AGBL1: variants seen among roughly 807,000 people sequenced by gnomAD.
AGBL1 encodes cytosolic carboxypeptidase 4.
A neutral mutation model predicts 118.9 loss-of-function variants in AGBL1; 130 were observed. The observed-to-expected ratio is 1.09, with a 90% CI of 0.95 to 1.26. The LOEUF is 1.26. Among genes scored for constraint, AGBL1 ranks in the 50% most tolerant of loss-of-function variants. The probability of loss-of-function intolerance (pLI) is 0.00; values close to 1 mark genes in which losing one functional copy is unlikely to be tolerated. For synonymous variants in AGBL1, 555 were observed against 478.9 expected (o/e 1.16, Z -2.08); for missense variants, 1,584 against 1,298.1 (o/e 1.22, Z -3.38).
intron 22 of AGBL1, among the ~76,000 whole-genome samples, chr15:86,887,800 A>G (rs1446668618): frequency 6.6e-6 from 1 of 152,136 alleles, no homozygotes; most frequent in Non-Finnish European, 1.5e-5. Context: ...CAATTCTCCA[A>G]TTGAATTAGT....
intron 23 of AGBL1, among the ~76,000 whole-genome samples, chr15:86,947,230 T>A (rs1274409955): frequency 1.3e-5 from 2 of 152,238 alleles, no homozygotes; most frequent in Non-Finnish European, 2.9e-5. Context: ...ATCAGCCATT[T>A]AATTTCATAT....
chr15:86,367,171 T>C (rs1056914674), intron 17 of AGBL1, among the ~76,000 whole-genome samples: 4 of 152,216 alleles, frequency 2.6e-5, no homozygotes, highest in Admixed American at 6.5e-5. Flanking sequence ...TATGGGCTCA[T>C]GTAAATCAAA....
chr15:86,991,670 T>C (rs544160850), intron 24 of AGBL1, among the ~76,000 whole-genome samples: 1 of 152,264 alleles, frequency 6.6e-6, no homozygotes, highest in Non-Finnish European at 1.5e-5. Context: ...TTGTCTGTTT[T>C]ACACAGGTAG....
chr15:86,107,708 G>A (rs755178213), intron 1 of AGBL1: 2 of 152,212 alleles, frequency 1.3e-5, no homozygotes, highest in Non-Finnish European at 2.9e-5. Flanking sequence ...ACATTTAACA[G>A]TGTTCTGGGT....
At chr15:86,885,532 A>G (rs2079957926) in intron 22 of AGBL1, among the ~76,000 whole-genome samples, 1 of 152,222 alleles carries the variant, frequency 6.6e-6, no homozygotes, top group South Asian at 2.1e-4. Flanking sequence ...AATAAACATA[A>G]ATGCTTCATT....
At chr15:86,818,787 A>G (rs941227854) in intron 22 of AGBL1, among the ~76,000 whole-genome samples, 1 of 152,186 alleles carries the variant, frequency 6.6e-6, no homozygotes, top group Non-Finnish European at 1.5e-5. Context: ...CCAGACACCA[A>G]TGGGTTCAAA....
chr15:86,945,052 A>T (rs2141660618), intron 23 of AGBL1, among the ~76,000 whole-genome samples: 1 of 152,258 alleles, frequency 6.6e-6, no homozygotes, highest in African/African-American at 2.4e-5. Flanking sequence ...AATTATAATT[A>T]TCATGTAAAA....
At chr15:86,154,341 T>C (rs926863423) in intron 3 of AGBL1, 89 bp from the exon 4 acceptor site, 2 of 1,423,966 alleles carry the variant, frequency 1.4e-6, no homozygotes, top group East Asian at 5.0e-5. Context: ...TCCTCCTCCT[T>C]CACCATCTTC....
intron 23 of AGBL1, among the ~76,000 whole-genome samples, chr15:86,960,071 C>T (rs759183440): frequency 6.6e-6 from 1 of 152,108 alleles, no homozygotes; most frequent in Non-Finnish European, 1.5e-5. Flanking sequence ...AGGCCTTTTG[C>T]TTCTTTAACC....
intron 22 of AGBL1, among the ~76,000 whole-genome samples, chr15:86,727,994 A>T (rs1156871553): frequency 6.6e-6 from 1 of 152,216 alleles, no homozygotes; most frequent in Non-Finnish European, 1.5e-5. Context: ...AAGTTCCTTG[A>T]TCTCCCTTTA....
At chr15:86,349,618 A>G (rs2036118676) in intron 17 of AGBL1, among the ~76,000 whole-genome samples, 1 of 152,240 alleles carries the variant, frequency 6.6e-6, no homozygotes, top group Non-Finnish European at 1.5e-5. Context: ...TGCTTCCTAA[A>G]TAAATGAACA....
chr15:86,410,767 A>C (rs2033796059), intron 18 of AGBL1, among the ~76,000 whole-genome samples: 1 of 127,722 alleles, frequency 7.8e-6, no homozygotes. Flanking sequence ...ATAGGATAGA[A>C]ATTCTAAATT....
chr15:86,554,142 G>C (rs1352752709), intron 20 of AGBL1, among the ~76,000 whole-genome samples: 1 of 152,134 alleles, frequency 6.6e-6, no homozygotes, highest in Middle Eastern at 3.2e-3. Flanking sequence ...TTACAGGCAT[G>C]AGCCACCGCT....
At chr15:86,963,416 G>T (rs2081014222) in intron 23 of AGBL1, among the ~76,000 whole-genome samples, 1 of 151,698 alleles carries the variant, frequency 6.6e-6, no homozygotes, top group South Asian at 2.1e-4. Flanking sequence ...TTTCAAAAAT[G>T]CTTTCTTTGG....
chr15:86,723,239 G>A (rs1298056530), intron 22 of AGBL1, among the ~76,000 whole-genome samples: 1 of 152,178 alleles, frequency 6.6e-6, no homozygotes, highest in Non-Finnish European at 1.5e-5. Context: ...CAATAGCAAA[G>A]ACTTGGAACC....
chr15:86,504,795 G>A (rs2082956023), intron 18 of AGBL1, among the ~76,000 whole-genome samples: 1 of 151,494 alleles, frequency 6.6e-6, no homozygotes, highest in Admixed American at 6.6e-5. Context: ...TTTTAAATCA[G>A]GGAAGAAATT....
At chr15:86,871,561 TC>T (rs1336420196) in intron 22 of AGBL1, among the ~76,000 whole-genome samples, 1 of 152,234 alleles carries the variant, frequency 6.6e-6, no homozygotes, top group Non-Finnish European at 1.5e-5. Context: ...TACCGACTTT[TC>T]TCCTTCCTCA....
rs753332979 is a variant in AGBL1, at chr15:86,295,342, C to A, written c.2308C>A (p.Pro770Thr). The A allele has an allele frequency of 3.1e-6, 5 of 1,613,040 alleles. No homozygotes were observed. Among genetic ancestry groups the A allele is most frequent in the Non-Finnish European group, 4.2e-6 (5 of 1,179,402 alleles). ...DVLCQTLGGN[P>T]CPLVTITAMP... ...TCTCTGCCAGACGCTGGGAGGGAAT[C>A]CGTGTCCCTTGGTGACCATCACGGC... The change falls in exon 17 of 23, where the codon CCG (proline) becomes ACG (threonine). Residue 770 changes from proline to threonine, a missense_variant. Coordinates refer to ENST00000614907, the MANE Select transcript of AGBL1 (RefSeq NM_001386094.1).
At chr15:86,219,578 C>G (rs2078245677) in intron 5 of AGBL1, among the ~76,000 whole-genome samples, 1 of 152,124 alleles carries the variant, frequency 6.6e-6, no homozygotes, top group South Asian at 2.1e-4. Context: ...TTTAGCAACT[C>G]AGTCCTGCCA....
Sources: gnomAD v4.1 joint callset for allele counts (sites outside exome capture counted in the v4.1 genomes callset) on GRCh38, gnomAD v4.1.1 for gene constraint, MANE v1.5 for transcripts, NCBI Gene and HGNC (gene_info 2026-07-23, HGNC 2026-07-21) for gene names.